Variants in EGFLAM observed in about 807,000 individuals in gnomAD.
EGFLAM encodes EGF like, fibronectin type III and laminin G domains.
A neutral mutation model predicts 113.1 loss-of-function variants in EGFLAM; 79 were observed. The observed-to-expected ratio is 0.70, with a 90% CI of 0.58 to 0.84. The LOEUF (loss-of-function observed/expected upper bound fraction) is 0.84, where lower values mean the gene tolerates loss of function less well. Ranked by LOEUF, EGFLAM falls within the 40% of genes least tolerant of loss-of-function variation. EGFLAM has a pLI of 0.00. For missense variants in EGFLAM, 1,265 were observed against 1,291.6 expected (o/e 0.98, Z 0.32); for synonymous variants, 504 against 487.6 (o/e 1.03, Z -0.44).
At chr5:38,279,929 C>T (rs1007154208) in intron 1 of EGFLAM, among the ~76,000 whole-genome samples, 2 of 152,052 alleles carry the variant, frequency 1.3e-5, no homozygotes, top group Non-Finnish European at 2.9e-5. Context: ...CTAGATTTAA[C>T]CGTTCCACAA....
At chr5:38,415,817 A>T (rs996302832) in intron 11 of EGFLAM, among the ~76,000 whole-genome samples, 3 of 152,104 alleles carry the variant, frequency 2.0e-5, no homozygotes, top group Non-Finnish European at 4.4e-5. Context: ...GTGGAAGGGG[A>T]AGCAAACACG....
intron 10 of EGFLAM, 105 bp downstream of exon 10, chr5:38,409,209 A>G (rs770298615): frequency 4.7e-6 from 4 of 852,714 alleles, no homozygotes; most frequent in Admixed American, 3.0e-5. Flanking sequence ...GTTCTAGTAG[A>G]TGAAAGAATG....
intron 13 of EGFLAM, 70 bp downstream of exon 13, chr5:38,425,162 A>G (rs1741957894): frequency 4.5e-6 from 7 of 1,546,500 alleles, no homozygotes; most frequent in African/African-American, 2.8e-5. Context: ...TTTATCATCA[A>G]TATAGTTTCT....
intron 6 of EGFLAM, among the ~76,000 whole-genome samples, chr5:38,380,401 A>G (rs958833204): frequency 9.2e-5 from 14 of 152,218 alleles, no homozygotes; most frequent in Non-Finnish European, 2.1e-4. Context: ...AGAGCCTGCA[A>G]TCCAACTGCT....
intron 3 of EGFLAM, chr5:38,346,552 A>G (rs1025996847): frequency 1.3e-5 from 2 of 152,246 alleles, no homozygotes; most frequent in Non-Finnish European, 2.9e-5. Flanking sequence ...CCCTTTGTTC[A>G]TGAAACAGAG....
chr5:38,444,490 A>AT (rs960507555), intron 17 of EGFLAM, among the ~76,000 whole-genome samples: 5 of 152,206 alleles, frequency 3.3e-5, no homozygotes, highest in African/African-American at 1.2e-4. Flanking sequence ...GAAATGATAC[A>AT]TTTTGAGATG....
At chr5:38,435,366 T>C in intron 16 of EGFLAM, 113 bp downstream of exon 16, 1 of 814,804 alleles carries the variant, frequency 1.2e-6, no homozygotes, top group Non-Finnish European at 2.0e-6. Flanking sequence ...TGAGAAAGTT[T>C]TAACATTTTT....
At chr5:38,288,516 A>G (rs1476379968) in intron 1 of EGFLAM, among the ~76,000 whole-genome samples, 1 of 152,216 alleles carries the variant, frequency 6.6e-6, no homozygotes, top group Admixed American at 6.5e-5. Context: ...ATAAAACTTT[A>G]TAATAGCCAA....
chr5:38,404,829 A>G (rs1004807587), intron 6 of EGFLAM, among the ~76,000 whole-genome samples: 2 of 152,142 alleles, frequency 1.3e-5, no homozygotes, highest in Non-Finnish European at 2.9e-5. Flanking sequence ...CTGTGAGGAC[A>G]TGCAGGTGCC....
At chr5:38,364,893 C>T (rs946546509) in intron 5 of EGFLAM, among the ~76,000 whole-genome samples, 1 of 152,030 alleles carries the variant, frequency 6.6e-6, no homozygotes, top group African/African-American at 2.4e-5. Context: ...ATCAAGTAAC[C>T]CAGCGTCCTC....
chr5:38,349,663 T>C (rs1223643965), intron 3 of EGFLAM, among the ~76,000 whole-genome samples: 1 of 151,974 alleles, frequency 6.6e-6, no homozygotes, highest in Non-Finnish European at 1.5e-5. Flanking sequence ...AATTACTATT[T>C]AGTGCTGTAG....
intron 1 of EGFLAM, among the ~76,000 whole-genome samples, chr5:38,280,623 A>T (rs1163478633): frequency 6.6e-6 from 1 of 152,002 alleles, no homozygotes; most frequent in Non-Finnish European, 1.5e-5. Context: ...ACCACTCTCC[A>T]GTTGCACTCT....
At chr5:38,361,156 G>A (rs1046273848) in intron 5 of EGFLAM, among the ~76,000 whole-genome samples, 10 of 151,464 alleles carry the variant, frequency 6.6e-5, no homozygotes, top group African/African-American at 9.7e-5. Flanking sequence ...ATGAGCCACC[G>A]CACCCTCCCT....
intron 11 of EGFLAM, among the ~76,000 whole-genome samples, chr5:38,415,078 T>G (rs1370469798): frequency 2.6e-5 from 4 of 152,218 alleles, no homozygotes; most frequent in African/African-American, 7.2e-5. Context: ...AAGAATTAAT[T>G]GAGCCAGGCA....
At chr5:38,451,625 A>G (rs1040747483) in intron 19 of EGFLAM, 167 bp downstream of exon 19, 9 of 1,018,372 alleles carry the variant, frequency 8.8e-6, no homozygotes, top group African/African-American at 1.6e-5. Flanking sequence ...TCCAACATTC[A>G]TCTTATAGAG....
At position 38,370,338 on chromosome 5, in the gene EGFLAM, C is replaced by G; in HGVS notation, c.588C>G (p.Ile196Met). ...AGTGGACCTCAATCCATGAGCGGAT[C>G]CAGATGGACTCCATGGTTATCAAGG... ...DKKWTSIHER[I>M]QMDSMVIKGL... The change falls in exon 6 of 22, where the codon ATC becomes ATG. Residue 196 changes from isoleucine (I) to methionine (M), a missense_variant. By Grantham distance (10) the Ile-to-Met change is conservative (BLOSUM62 1). Transcript: ENST00000322350. 3 of 1,614,226 alleles carry G rather than the reference C, an allele frequency of 1.9e-6. No homozygotes were observed. Among genetic ancestry groups the G allele is most frequent in the Non-Finnish European group, 2.5e-6 (3 of 1,180,030 alleles).
intron 1 of EGFLAM, among the ~76,000 whole-genome samples, chr5:38,275,876 A>C (rs1229499448): frequency 6.6e-6 from 1 of 152,244 alleles, no homozygotes; most frequent in Non-Finnish European, 1.5e-5. Flanking sequence ...ATCTTTTCAG[A>C]CCACAATGGC....
intron 16 of EGFLAM, among the ~76,000 whole-genome samples, chr5:38,437,898 C>T (rs539091123): frequency 2.0e-5 from 3 of 152,174 alleles, no homozygotes; most frequent in South Asian, 2.1e-4. Flanking sequence ...CTGAAGTGGG[C>T]GGATCACCTG....
chr5:38,430,689 A>G (rs907153517), intron 14 of EGFLAM, among the ~76,000 whole-genome samples: 1 of 152,164 alleles, frequency 6.6e-6, no homozygotes, highest in African/African-American at 2.4e-5. Flanking sequence ...ATTGGCTTGC[A>G]TGATTATGGA....
Sources: gnomAD v4.1 joint callset for allele counts (sites outside exome capture counted in the v4.1 genomes callset) on GRCh38, gnomAD v4.1.1 for gene constraint, MANE v1.5 for transcripts, NCBI Gene and HGNC (gene_info 2026-07-23, HGNC 2026-07-21) for gene names.